LHX6: variants seen among roughly 807,000 people sequenced by gnomAD.
LHX6 encodes the protein LIM homeobox 6.
A neutral mutation model predicts 47.1 loss-of-function variants in LHX6; 15 were observed. The ratio of observed to expected loss-of-function variants is 0.32; its 90% CI spans 0.21 to 0.49. The LOEUF is 0.49. Among genes scored for constraint, LHX6 ranks in the 20% least tolerant of loss-of-function variants. LHX6 has a pLI of 0.99. For synonymous variants in LHX6, 242 were observed against 233.5 expected, an observed-to-expected ratio of 1.04 and a Z score of -0.33; for missense variants, 404 against 539.6, an observed-to-expected ratio of 0.75 and a Z score of 2.49.
chr9:122,226,732 CG>C lies in LHX6; in HGVS notation c.339+115del. The stretch of plus-strand genomic sequence containing the variant: ...TAAGTCTTGCCCAAAGCTTCGCAGT[CG>C]GGCAGCAGTGGAGCCAGGATTTGGA... On this transcript the variant is annotated intron_variant, in intron 3 of 9. Transcript: ENST00000394319. The surrounding 1 kb of genome is among the most constrained non-coding windows in gnomAD (Gnocchi z 6.5). 7.7e-7 allele frequency: 1 copy of C among 1,300,438 alleles called. No homozygotes were observed. The highest frequency in any genetic ancestry group is 1.0e-6 in the Non-Finnish European group (1 of 961,386). The allele number at this position is 1,300,438 out of a possible 1,614,324, so 80.6% of individuals were successfully genotyped here. A position where few individuals can be genotyped will look rare whatever the true frequency, so the allele number is the denominator to read the frequency against.
In LHX6 at chr9:122,204,135, A is replaced by T. The variant is rs1391034441; in HGVS notation, c.*625T>A. 1 of 152,370 alleles carries T rather than the reference A, an allele frequency of 6.6e-6. No homozygotes were observed. Among genetic ancestry groups the T allele is most frequent in the African/African-American group, 2.4e-5 (1 of 41,386 alleles). The allele number at this position is 152,370 out of a possible 1,614,324, so 9.4% of individuals were successfully genotyped here. A position where few individuals can be genotyped will look rare whatever the true frequency, so the allele number is the denominator to read the frequency against. On this transcript the variant is annotated 3_prime_UTR_variant, in exon 10 of 10. Transcript: ENST00000394319. ...TCCCTGTCTATCCCCGCTGCCTCCT[A>T]GTCTGGGCAGGCCTCCATCTCTGCC...
Position 122,214,277 on chromosome 9 carries a change from C to A in LHX6, c.783+6G>T. The A allele has an allele frequency of 1.3e-6, 2 of 1,590,604 alleles. No homozygotes were observed. Among genetic ancestry groups the A allele is most frequent in the Non-Finnish European group, 1.7e-6 (2 of 1,173,112 alleles). On this transcript the variant is annotated splice_donor_region_variant and intron_variant, in intron 6 of 9. Coordinates refer to ENST00000394319, the MANE Select transcript of LHX6 (RefSeq NM_014368.5). This position sits in a 1 kb window ranked among gnomAD's most constrained non-coding sequence, Gnocchi z 4.6. ...CGCCCCCGCCGCCCACTGCTTGCAG[C>A]GGTACCTGCAGCTGTTCCGCGGTGA...
chr9:122,225,031 C>T (rs772337895), intron 4 of LHX6, among the ~76,000 whole-genome samples: 68 of 152,150 alleles, frequency 4.5e-4, no homozygotes, highest in Non-Finnish European at 9.0e-4. Flanking sequence ...TTTCAGAGTA[C>T]CCTTGCCCCA....
chr9:122,228,389 T>C (rs1831200528), intron 1 of LHX6: 1 of 1,505,950 alleles, frequency 6.6e-7, no homozygotes, highest in East Asian at 2.5e-5. Flanking sequence ...AGACGGACAA[T>C]ACCGGCCTCG....
intron 8 of LHX6, 66 bp from the exon 9 acceptor site, chr9:122,209,783 G>A: frequency 1.4e-6 from 1 of 701,936 alleles, no homozygotes; most frequent in Non-Finnish European, 2.6e-6. Context: ...CCTGCCCCGT[G>A]CTCTCTACAG....
At chr9:122,224,485 C>T (rs968901435) in intron 4 of LHX6, among the ~76,000 whole-genome samples, 1 of 149,524 alleles carries the variant, frequency 6.7e-6, no homozygotes, top group Non-Finnish European at 1.5e-5. Context: ...CCCTGTCTGA[C>T]TACACACACA....
intron 9 of LHX6, among the ~76,000 whole-genome samples, chr9:122,205,815 A>G (rs570042477): frequency 6.6e-6 from 1 of 152,176 alleles, no homozygotes; most frequent in East Asian, 1.9e-4. Context: ...AACTATTATT[A>G]TCCCCAGTTT....
rs111633079 is a variant in LHX6, at chr9:122,224,707, G to A, written c.461+1669C>T. On this transcript the variant is annotated intron_variant, in intron 4 of 9. Coordinates refer to ENST00000394319, the MANE Select transcript of LHX6 (RefSeq NM_014368.5). The stretch of plus-strand genomic sequence containing the variant: ...CTCACCACTTTGCGTGCACGTGCAC[G>A]CACACACACATGCACACACACAGTC... Among the ~76,000 whole-genome samples the A allele has an allele frequency of 1.8e-3, 277 of 151,608 alleles. 1 individual carries two copies. The highest frequency in any genetic ancestry group is 0.01 in the South Asian group (49 of 4,774).
intron 4 of LHX6, among the ~76,000 whole-genome samples, chr9:122,219,458 C>A (rs1048077274): frequency 6.6e-5 from 10 of 152,306 alleles, no homozygotes; most frequent in African/African-American, 2.4e-4. Context: ...TTTGCCCAAC[C>A]CAGCCTACTC....
At chr9:122,216,255 G>A (rs1015489827) in intron 5 of LHX6, among the ~76,000 whole-genome samples, 9 of 152,176 alleles carry the variant, frequency 5.9e-5, no homozygotes, top group Non-Finnish European at 1.2e-4. Context: ...GACCCTAACA[G>A]GGAAATTAGA....
rs1830647884 is a variant in LHX6 at position 122,217,675 on chromosome 9, C to T, written c.462-387G>A. On this transcript the variant is annotated intron_variant, in intron 4 of 9. Coordinates refer to ENST00000394319, the MANE Select transcript of LHX6 (RefSeq NM_014368.5). This position sits in a 1 kb window ranked among gnomAD's most constrained non-coding sequence, Gnocchi z 4.9. Reference sequence around the variant, plus strand: ...TTTTACATTGATTATCCCAATTAATCCTCATTTTGCAGGTGAGGAAAATGG... The same window carrying T: ...TTTTACATTGATTATCCCAATTAATTCTCATTTTGCAGGTGAGGAAAATGG... 6.6e-6 allele frequency among the ~76,000 whole-genome samples: 1 copy of T among 152,202 alleles called. No homozygotes were observed. The highest frequency in any genetic ancestry group is 2.1e-4 in the South Asian group (1 of 4,828).
intron 5 of LHX6, 75 bp downstream of exon 5, chr9:122,216,993 G>A (rs118059125): frequency 3.1e-6 from 4 of 1,285,484 alleles, no homozygotes; most frequent in East Asian, 2.4e-5. Context: ...AGTGTGGGTG[G>A]TTCCTGGGGT....
chr9:122,216,548 T>C (rs1461577080), intron 5 of LHX6, among the ~76,000 whole-genome samples: 1 of 152,180 alleles, frequency 6.6e-6, no homozygotes, highest in Non-Finnish European at 1.5e-5. Flanking sequence ...TTTCCCCTTA[T>C]AGTTAGAGAC....
At chr9:122,222,963 C>G (rs1830932988) in intron 4 of LHX6, among the ~76,000 whole-genome samples, 1 of 152,152 alleles carries the variant, frequency 6.6e-6, no homozygotes. Context: ...AAACAGAAGC[C>G]TAGAGAACCT....
chr9:122,219,959 G>A (rs991292355), intron 4 of LHX6, among the ~76,000 whole-genome samples: 1 of 152,250 alleles, frequency 6.6e-6, no homozygotes, highest in African/African-American at 2.4e-5. Flanking sequence ...GGAGAAGGCG[G>A]TGAGTGCGTC....
chr9:122,205,887 G>C (rs112762635), intron 9 of LHX6, among the ~76,000 whole-genome samples: 5 of 152,082 alleles, frequency 3.3e-5, no homozygotes, highest in African/African-American at 1.2e-4. Flanking sequence ...CAGGGGAGGT[G>C]GCAGAGCTGG....
intron 1 of LHX6, 179 bp downstream of exon 1, chr9:122,228,478 T>G: frequency 7.3e-7 from 1 of 1,368,426 alleles, no homozygotes. Context: ...GTGTTCCCGC[T>G]TTCCGCGACC....
chr9:122,219,226 G>T (rs1830721385), intron 4 of LHX6, among the ~76,000 whole-genome samples: 1 of 152,218 alleles, frequency 6.6e-6, no homozygotes, highest in South Asian at 2.1e-4. Flanking sequence ...GTCTCCGCTC[G>T]CAGATTCAAC....
At position 122,206,401 on chromosome 9, in the gene LHX6, C is replaced by T. The variant is rs192518688; in HGVS notation, c.1159-1621G>A. Reference sequence around the variant, plus strand: ...TGGCCACACACATACCACACCCTGCCGCCCACCAAGCCCCAGGAATTTGAG... The same window carrying T: ...TGGCCACACACATACCACACCCTGCTGCCCACCAAGCCCCAGGAATTTGAG... On this transcript the variant is annotated intron_variant, in intron 9 of 9. Coordinates refer to ENST00000394319, the MANE Select transcript of LHX6 (RefSeq NM_014368.5). Among the ~76,000 whole-genome samples the T allele has an allele frequency of 5.5e-3, 839 of 152,276 alleles. 7 individuals are homozygous for T. The highest frequency in any genetic ancestry group is 9.8e-3 in the Admixed American group (150 of 15,296).
Sources: allele counts gnomAD v4.1 joint callset (sites outside exome capture counted in the v4.1 genomes callset), GRCh38; gene constraint gnomAD v4.1.1; non-coding constraint Gnocchi (gnomAD v3.1); transcripts MANE v1.5; gene names NCBI Gene and HGNC (gene_info 2026-07-23, HGNC 2026-07-21).